The following RAP1GAP variants were observed in gnomAD, a reference collection of about 807,000 sequenced individuals.
RAP1GAP encodes rap1 GTPase-activating protein 1.
RAP1GAP carries 35 observed loss-of-function variants against 87.2 expected under a neutral mutation model. The observed-to-expected ratio is 0.40, with a 90% CI of 0.31 to 0.53. The LOEUF (loss-of-function observed/expected upper bound fraction) is 0.53. Ranked by LOEUF, RAP1GAP falls within the 20% of genes least tolerant of loss-of-function variation. The pLI, the probability that RAP1GAP is intolerant of heterozygous loss-of-function variation, is 0.48. For missense variants in RAP1GAP, 734 were observed against 898.9 expected, an observed-to-expected ratio of 0.82 and a Z score of 2.35; for synonymous variants, 375 against 363.9, an observed-to-expected ratio of 1.03 and a Z score of -0.35.
chr1:21,654,598 C>T (rs891442591), intron 1 of RAP1GAP, among the ~76,000 whole-genome samples: 2 of 151,744 alleles, frequency 1.3e-5, no homozygotes, highest in Non-Finnish European at 2.9e-5. Flanking sequence ...TTTGGGAGGC[C>T]GAATAGGGAG....
At position 21,598,539 on chromosome 1, in the gene RAP1GAP, TA is replaced by T. The variant is rs1558585347; in HGVS notation, c.1777-38del. 12 of 1,541,508 alleles carry T rather than the reference TA, an allele frequency of 7.8e-6. No homozygotes were observed. The Admixed American group carries it at 1.2e-4, about 15-fold the overall frequency. On this transcript the variant is annotated intron_variant, in intron 21 of 24. Coordinates refer to ENST00000374765, the MANE Select transcript of RAP1GAP (RefSeq NM_002885.4). ...GTGGAAAGAGGGAGGGAGGTTAGCC[TA>T]TGCCCTTGGCACTGGCTAGGGCTCC...
rs2097108991 is a variant in RAP1GAP, at chr1:21,660,390, A to G, written c.-149+8864T>C. On this transcript the variant is annotated intron_variant, in intron 1 of 24. Coordinates refer to ENST00000374765, the MANE Select transcript of RAP1GAP (RefSeq NM_002885.4). ...GCTCTGTCACCCAGGCTGGAGTGCA[A>G]TGGCACGATCTTGGCTCACTGCAAC... Among the ~76,000 whole-genome samples, 4 of 107,424 alleles carry G rather than the reference A, an allele frequency of 3.7e-5. 1 individual carries two copies. The South Asian group carries it at 1.3e-3, about 35-fold the overall frequency. The allele number at this position is 107,424 out of a possible 152,430, so 70.5% of individuals were successfully genotyped here. A position where few individuals can be genotyped will look rare whatever the true frequency, so the allele number is the denominator to read the frequency against.
At position 21,624,842 on chromosome 1, in the gene RAP1GAP, TGC is replaced by T. The variant is rs1491190797; in HGVS notation, c.-19+1460_-19+1461del. Among the ~76,000 whole-genome samples the T allele has an allele frequency of 1.4e-4, 7 of 50,384 alleles. No individual in the cohort carries two copies. In the Admixed American group the frequency reaches 2.2e-3, roughly 16 times the overall value. 33.1% of individuals were successfully genotyped at this position (50,384 alleles called of 152,430 possible). Reference sequence around the variant, plus strand: ...GCACGCAGGGCCCAGGGCTATGGGCTGCTCTCTCTCTCTCTCGTCTCCTGATG... The same window carrying T: ...GCACGCAGGGCCCAGGGCTATGGGCTTCTCTCTCTCTCTCGTCTCCTGATG... On this transcript the variant is annotated intron_variant, in intron 3 of 24. Transcript: ENST00000374765.
Position 21,602,897 on chromosome 1 carries a change from C to A in RAP1GAP, c.1445G>T (p.Gly482Val), listed in dbSNP as rs1277475213. 4 of 1,610,212 alleles carry A rather than the reference C, an allele frequency of 2.5e-6. No individual in the cohort carries two copies. The African/African-American group carries it at 4.0e-5, about 16-fold the overall frequency. The change falls in exon 19 of 25, where the codon GGG becomes GTG. Residue 482 changes from glycine (G) to valine (V), a missense_variant. This residue lies in a region of RAP1GAP where 249 missense variants were observed against 252.7 expected (regional missense o/e 0.99). Coordinates refer to ENST00000374765, the MANE Select transcript of RAP1GAP (RefSeq NM_002885.4). ...KAAGISLIVP[G>V]KSPTRKKSGP... ...CGACTTCTTCCTCGTGGGGCTCTTC[C>A]CAGGGACAATCAGTGACTGTGGGGA... is the stretch of plus-strand genomic sequence containing the variant.
intron 3 of RAP1GAP, among the ~76,000 whole-genome samples, chr1:21,620,691 C>G (rs1401715103): frequency 6.6e-6 from 1 of 152,188 alleles, no homozygotes. Context: ...GCGAGCCTTC[C>G]TGGAAGGCGG....
chr1:21,613,525 G>A lies in RAP1GAP; in HGVS notation c.474+103C>T. 8.8e-7 allele frequency: 1 copy of A among 1,134,584 alleles called. No individual in the cohort carries two copies. Among genetic ancestry groups the A allele is most frequent in the Non-Finnish European group, 1.3e-6 (1 of 751,284 alleles). The allele number at this position is 1,134,584 out of a possible 1,614,324, so 70.3% of individuals were successfully genotyped here. ...CCTCAGGATAGGGCGGCAGGCCAGG[G>A]CTAGGGCCTACAGCTGAAGGGGACG... On this transcript the variant is annotated intron_variant, in intron 9 of 24. Coordinates refer to ENST00000374765, the MANE Select transcript of RAP1GAP (RefSeq NM_002885.4). This position sits in a 1 kb window ranked among gnomAD's most constrained non-coding sequence, Gnocchi z 4.7.
chr1:21,638,171 A>G (rs1226968276), intron 2 of RAP1GAP, among the ~76,000 whole-genome samples: 1 of 146,902 alleles, frequency 6.8e-6, no homozygotes, highest in African/African-American at 2.5e-5. Context: ...AAGAAAAGAA[A>G]AAAAGGCCGG....
At chr1:21,629,602 G>T (rs1323080638) in intron 2 of RAP1GAP, among the ~76,000 whole-genome samples, 1 of 151,930 alleles carries the variant, frequency 6.6e-6, no homozygotes, top group Non-Finnish European at 1.5e-5. Flanking sequence ...GAAGGGAGGG[G>T]CTCCAGGATG....
chr1:21,649,205 TC>T (rs1325534900), intron 2 of RAP1GAP, among the ~76,000 whole-genome samples: 1 of 152,090 alleles, frequency 6.6e-6, no homozygotes, highest in East Asian at 1.9e-4. Context: ...GTTGCCTCGT[TC>T]CCTCCTCCTC....
In RAP1GAP at chr1:21,614,011, G is replaced by T; in HGVS notation, c.370C>A (p.Gln124Lys). 6.2e-7 allele frequency: 1 copy of T among 1,612,024 alleles called. No individual in the cohort carries two copies. Among genetic ancestry groups the T allele is most frequent in the Middle Eastern group, 1.6e-4 (1 of 6,062 alleles). Residue 124 changes from glutamine to lysine, a missense_variant, in exon 8 of 25, where the codon CAA (glutamine) becomes AAA (lysine). Gln to Lys is a moderately conservative substitution (Grantham distance 53). Transcript: ENST00000374765. ...CTGAGCAGCAGCCGCAGGTGCTCTT[G>T]GTCCCCGATGACATCGTACTTGAGT... Reference protein sequence around the residue: ...FSLKYDVIGDQEHLRLLLRTK... With the variant: ...FSLKYDVIGDKEHLRLLLRTK...
chr1:21,626,517 T>G (rs1050603743), intron 2 of RAP1GAP, 120 bp from the exon 3 acceptor site: 10 of 802,196 alleles, frequency 1.2e-5, no homozygotes, highest in Admixed American at 1.2e-4. Flanking sequence ...GAGGAGAGGG[T>G]CATGGGTTCC....
At chr1:21,599,320 G>A (rs1456293504) in intron 21 of RAP1GAP, among the ~76,000 whole-genome samples, 174 bp downstream of exon 21, 1 of 152,184 alleles carries the variant, frequency 6.6e-6, no homozygotes, top group South Asian at 2.1e-4. Flanking sequence ...GTGCTGGGGA[G>A]CCGTGGAAGG....
intron 7 of RAP1GAP, among the ~76,000 whole-genome samples, chr1:21,616,488 A>C (rs2082251515): frequency 6.6e-6 from 1 of 152,236 alleles, no homozygotes; most frequent in African/African-American, 2.4e-5. Flanking sequence ...AACTTGCCCA[A>C]GGTCACACAA....
At chr1:21,618,016 C>T (rs1329598102) in intron 5 of RAP1GAP, 44 bp from the exon 6 acceptor site, 1 of 1,613,158 alleles carries the variant, frequency 6.2e-7, no homozygotes. Context: ...TCTGTCCATC[C>T]TCCAGTGCCC....
At chr1:21,612,163 G>A (rs572461225) in intron 10 of RAP1GAP, 54 bp from the exon 11 acceptor site, 18 of 1,385,624 alleles carry the variant, frequency 1.3e-5, no homozygotes, top group Admixed American at 9.8e-5. Flanking sequence ...GCCATTCGAC[G>A]TGCTCTTCCC....
At chr1:21,662,074 C>T (rs549091306) in intron 1 of RAP1GAP, among the ~76,000 whole-genome samples, 3 of 152,230 alleles carry the variant, frequency 2.0e-5, no homozygotes, top group Non-Finnish European at 4.4e-5. Context: ...CCCATACAGA[C>T]CTCTCAGGAC....
Position 21,613,648 on chromosome 1 carries a change from T to G in RAP1GAP, c.454A>C (p.Asn152His). 2 of 1,613,372 alleles carry G rather than the reference T, an allele frequency of 1.2e-6. No individual in the cohort carries two copies. Among genetic ancestry groups the G allele is most frequent in the Non-Finnish European group, 1.7e-6 (2 of 1,179,590 alleles). The change falls in exon 9 of 25, where the codon AAT becomes CAT. Residue 152 changes from asparagine to histidine, a missense_variant. Physicochemically the swap from Asn to His is moderately conservative, Grantham distance 68 (BLOSUM62 1). Around this residue, in one of 2 missense-constraint regions of RAP1GAP, gnomAD observed 485 missense variants for 646.2 expected, o/e 0.75. Transcript: ENST00000374765. This position sits in a 1 kb window ranked among gnomAD's most constrained non-coding sequence, Gnocchi z 4.7. ...IPISCLTEFPNVVQMAKLVCE... is the reference protein window; with the variant it reads ...IPISCLTEFPHVVQMAKLVCE... ...CTCACCTTTGCCATCTGGACAACAT[T>G]AGGGAACTCGGTGAGGCAGGAGATG...
intron 3 of RAP1GAP, 43 bp downstream of exon 3, chr1:21,626,261 A>AG: frequency 6.7e-7 from 1 of 1,488,774 alleles, no homozygotes; most frequent in Non-Finnish European, 9.4e-7. Flanking sequence ...TGTCGGAGGT[A>AG]GGGGGCAGAC....
At chr1:21,628,267 G>A (rs746696870) in intron 2 of RAP1GAP, among the ~76,000 whole-genome samples, 9 of 151,762 alleles carry the variant, frequency 5.9e-5, no homozygotes, top group African/African-American at 7.3e-5. Flanking sequence ...AATAGTTACC[G>A]GCAGGCTGGG....
Sources: allele counts gnomAD v4.1 joint callset (sites outside exome capture counted in the v4.1 genomes callset), GRCh38; gene constraint gnomAD v4.1.1; regional missense constraint gnomAD v4.1.1; non-coding constraint Gnocchi (gnomAD v3.1); transcripts MANE v1.5; gene names NCBI Gene and HGNC (gene_info 2026-07-23, HGNC 2026-07-21).